Variants in MYO1D observed in about 807,000 individuals in gnomAD.
The protein encoded by MYO1D is unconventional myosin-Id.
A neutral mutation model predicts 122.0 loss-of-function variants in MYO1D; 83 were observed. That is an observed-to-expected ratio of 0.68 (90% CI 0.57 to 0.82). The LOEUF (loss-of-function observed/expected upper bound fraction) is 0.82. Among genes scored for constraint, MYO1D ranks in the 40% least tolerant of loss-of-function variants. MYO1D has a pLI of 0.00. For synonymous variants in MYO1D, 464 were observed against 446.9 expected (o/e 1.04, Z -0.48); for missense variants, 1,157 against 1,269.5 (o/e 0.91, Z 1.35).
At chr17:32,575,585 C>T (rs1054713372) in intron 21 of MYO1D, among the ~76,000 whole-genome samples, 5 of 152,230 alleles carry the variant, frequency 3.3e-5, no homozygotes, top group Admixed American at 1.3e-4. Flanking sequence ...AGTGAGTTCT[C>T]TATCTGCTCC....
intron 3 of MYO1D, among the ~76,000 whole-genome samples, chr17:32,777,295 C>A (rs914291516): frequency 1.3e-5 from 2 of 152,160 alleles, no homozygotes; most frequent in African/African-American, 4.8e-5. Flanking sequence ...AGAAAGGCTA[C>A]GCAGGGTAGT....
rs535229951 is a variant in MYO1D, at chr17:32,710,474, TA to T, written c.2121+1513del. 3.4e-3 allele frequency among the ~76,000 whole-genome samples: 518 copies of T among 152,224 alleles called. 5 individuals are homozygous for T. The highest frequency in any genetic ancestry group is 0.012 in the African/African-American group (487 of 41,536). On this transcript the variant is annotated intron_variant, in intron 16 of 21. Transcript: ENST00000318217. ...GAATTAAAGACCTAAATGTGAAAGG[TA>T]AAACCATACAGTTCATAGAAGAAAA... is the stretch of plus-strand genomic sequence containing the variant.
chr17:32,649,562 T>C (rs1434869490), intron 19 of MYO1D, among the ~76,000 whole-genome samples: 2 of 140,054 alleles, frequency 1.4e-5, no homozygotes, highest in African/African-American at 5.3e-5. Flanking sequence ...ACATTTTCTT[T>C]CTTTCTTTTT....
intron 21 of MYO1D, among the ~76,000 whole-genome samples, chr17:32,599,020 G>T (rs1002856871): frequency 2.6e-5 from 4 of 152,158 alleles, no homozygotes; most frequent in African/African-American, 9.7e-5. Context: ...GCTGATGGCG[G>T]GGGTGGCTGT....
At chr17:32,502,294 G>A (rs1252319535) in intron 21 of MYO1D, among the ~76,000 whole-genome samples, 1 of 152,206 alleles carries the variant, frequency 6.6e-6, no homozygotes. Context: ...GATGCTAAGT[G>A]AAAGGTGGCA....
intron 1 of MYO1D, among the ~76,000 whole-genome samples, chr17:32,837,071 C>T (rs1168688491): frequency 1.3e-5 from 2 of 151,834 alleles, no homozygotes; most frequent in Non-Finnish European, 1.5e-5. Context: ...TTAAATGGTT[C>T]ATTCTGAATC....
intron 16 of MYO1D, among the ~76,000 whole-genome samples, chr17:32,709,197 T>C (rs2089344948): frequency 6.6e-6 from 1 of 152,184 alleles, no homozygotes; most frequent in Non-Finnish European, 1.5e-5. Context: ...TTATCCATAC[T>C]GGAACACTTT....
Position 32,736,433 on chromosome 17 carries a change from C to T in MYO1D, c.1746+1820G>A, listed in dbSNP as rs994207831. On this transcript the variant is annotated intron_variant, in intron 14 of 21. Transcript: ENST00000318217. ...AGGAAGTTCCAGCTGCCATCATGGA[C>T]CAGGAGGTTGGGTGCCAAGCACTAG... Among the ~76,000 whole-genome samples the T allele has an allele frequency of 2.6e-5, 4 of 152,118 alleles. No homozygotes were observed. The East Asian group carries it at 7.7e-4, about 29-fold the overall frequency.
At chr17:32,768,363 C>G (rs998471098) in intron 6 of MYO1D, among the ~76,000 whole-genome samples, 1 of 152,224 alleles carries the variant, frequency 6.6e-6, no homozygotes, top group Non-Finnish European at 1.5e-5. Context: ...ACAGGCAGCT[C>G]AAAGATGAAT....
chr17:32,597,240 C>T (rs1006914987), intron 21 of MYO1D, among the ~76,000 whole-genome samples: 2 of 152,092 alleles, frequency 1.3e-5, no homozygotes, highest in South Asian at 2.1e-4. Context: ...ATATATTGGT[C>T]GCAGAAGGTT....
At chr17:32,657,215 T>C (rs557738725) in intron 17 of MYO1D, among the ~76,000 whole-genome samples, 5 of 152,340 alleles carry the variant, frequency 3.3e-5, no homozygotes, top group African/African-American at 7.2e-5. Flanking sequence ...TAGATGCACA[T>C]TGAGATTTTA....
intron 16 of MYO1D, among the ~76,000 whole-genome samples, chr17:32,685,846 T>C (rs1201545105): frequency 9.1e-4 from 139 of 152,258 alleles, no homozygotes; most frequent in South Asian, 2.1e-4. Context: ...TGAGCAAATA[T>C]TCACTTCTGC....
Position 32,524,190 on chromosome 17 carries a change from A to G in MYO1D, c.2865-29275T>C, listed in dbSNP as rs146305846. 9.8e-3 allele frequency among the ~76,000 whole-genome samples: 1,486 copies of G among 152,332 alleles called. 13 individuals are homozygous for G. The highest frequency in any genetic ancestry group is 0.017 in the Middle Eastern group (5 of 294). On this transcript the variant is annotated intron_variant, in intron 21 of 21. Coordinates refer to ENST00000318217, the MANE Select transcript of MYO1D (RefSeq NM_015194.3). ...GTTTTCTCTGGGGCTGAATGAATAT[A>G]TGCATCGTTTTGAATTTCCCACAGT...
intron 1 of MYO1D, among the ~76,000 whole-genome samples, chr17:32,844,270 A>T (rs1043318183): frequency 6.8e-6 from 1 of 146,954 alleles, no homozygotes; most frequent in Non-Finnish European, 1.5e-5. Context: ...TGTATATATC[A>T]TATATGATAT....
chr17:32,830,450 G>A (rs2090761295), intron 1 of MYO1D: 1 of 152,190 alleles, frequency 6.6e-6, no homozygotes, highest in African/African-American at 2.4e-5. Context: ...ATGACTGCAA[G>A]CAGGGTAGAC....
At chr17:32,534,597 G>A (rs900771096) in intron 21 of MYO1D, among the ~76,000 whole-genome samples, 6 of 152,162 alleles carry the variant, frequency 3.9e-5, no homozygotes, top group African/African-American at 4.8e-5. Context: ...TCCTTAATGG[G>A]TATGAGATCT....
At chr17:32,739,481 C>A (rs1400592808) in intron 13 of MYO1D, among the ~76,000 whole-genome samples, 1 of 124,158 alleles carries the variant, frequency 8.1e-6, no homozygotes, top group Non-Finnish European at 1.6e-5. Flanking sequence ...CGTCACACAC[C>A]AAGGCCTGTC....
intron 16 of MYO1D, among the ~76,000 whole-genome samples, chr17:32,693,077 AC>A (rs1401629350): frequency 2.6e-5 from 4 of 152,152 alleles, no homozygotes; most frequent in African/African-American, 9.7e-5. Flanking sequence ...TAACTATAAG[AC>A]CTTTCATTTG....
chr17:32,744,269 C>T (rs1389932623), intron 13 of MYO1D, among the ~76,000 whole-genome samples: 1 of 152,170 alleles, frequency 6.6e-6, no homozygotes, highest in Non-Finnish European at 1.5e-5. Context: ...CCCTCCTTCA[C>T]TTAATTCAGG....
Sources: allele counts gnomAD v4.1 joint callset (sites outside exome capture counted in the v4.1 genomes callset), GRCh38; gene constraint gnomAD v4.1.1; transcripts MANE v1.5; gene names NCBI Gene and HGNC (gene_info 2026-07-23, HGNC 2026-07-21).